The following C4orf51 variants were observed in gnomAD, a reference collection of about 807,000 sequenced individuals.
The protein encoded by C4orf51 is chromosome 4 open reading frame 51.
Under a neutral mutation model 25.2 loss-of-function variants are expected in C4orf51, and 25 were observed. That is an observed-to-expected ratio of 0.99 (90% CI 0.72 to 1.39). C4orf51 has a LOEUF of 1.39. Among genes scored for constraint, C4orf51 ranks in the 40% most tolerant of loss-of-function variants. C4orf51 has a pLI of 0.00. For missense variants in C4orf51, 252 were observed against 239.6 expected, an observed-to-expected ratio of 1.05 and a Z score of -0.34; for synonymous variants, 100 against 84.5, an observed-to-expected ratio of 1.18 and a Z score of -1.01.
intron 1 of C4orf51, among the ~76,000 whole-genome samples, chr4:145,743,300 G>A (rs1290588442): frequency 6.6e-6 from 1 of 152,152 alleles, no homozygotes; most frequent in Non-Finnish European, 1.5e-5. Flanking sequence ...TGGTTCTAAA[G>A]GTGGGAAAGT....
the C4orf51 span, among the ~76,000 whole-genome samples, chr4:145,786,150 A>G: frequency 3.3e-5 from 5 of 152,218 alleles, no homozygotes; most frequent in Admixed American, 6.5e-5. Context: ...CAAAACCTCA[A>G]AAAACAACAG....
chr4:145,681,089 A>C (rs17020536), intron 1 of C4orf51, among the ~76,000 whole-genome samples: 19,572 of 152,170 alleles, frequency 0.13, 1,326 homozygotes, highest in Admixed American at 0.19. Context: ...AGCACACTGC[A>C]TGGAGAAAGA....
chr4:145,693,959 C>T (rs1296521314), intron 1 of C4orf51, among the ~76,000 whole-genome samples: 4 of 135,868 alleles, frequency 2.9e-5, no homozygotes, highest in Non-Finnish European at 4.8e-5. Flanking sequence ...GGGTGGCTGC[C>T]GGGCGGAGAG....
At position 145,767,377 on chromosome 4, in the gene C4orf51, G is replaced by C. The variant is rs148335472; in HGVS notation, n.167-3611G>C. Reference sequence around the variant, plus strand: ...ATCTCCCCAAATGAAAAGAGCATCAGTGAACTGTGGGATGCCTTTGGGAAG... The same window carrying C: ...ATCTCCCCAAATGAAAAGAGCATCACTGAACTGTGGGATGCCTTTGGGAAG... On this transcript the variant is annotated intron_variant and non_coding_transcript_variant, in intron 1 of 1. Coordinates refer to the C4orf51 transcript ENST00000510096. Among the ~76,000 whole-genome samples the C allele has an allele frequency of 1.7e-3, 255 of 152,316 alleles. 1 individual carries two copies. Among genetic ancestry groups the C allele is most frequent in the African/African-American group, 5.8e-3 (241 of 41,580 alleles).
intron 1 of C4orf51, among the ~76,000 whole-genome samples, chr4:145,690,202 C>T (rs563241708): frequency 1.7e-5 from 2 of 117,696 alleles, no homozygotes; most frequent in Non-Finnish European, 3.5e-5. Flanking sequence ...AGCAAACCTC[C>T]GTAAAAAAAA....
At chr4:145,753,958 A>G (rs554471171) in intron 1 of C4orf51, among the ~76,000 whole-genome samples, 3 of 152,282 alleles carry the variant, frequency 2.0e-5, no homozygotes, top group East Asian at 1.9e-4. Flanking sequence ...TAATGTGCCA[A>G]CTCCTCCATT....
chr4:145,764,103 T>C (rs918141608), intron 1 of C4orf51, among the ~76,000 whole-genome samples: 1 of 152,184 alleles, frequency 6.6e-6, no homozygotes, highest in African/African-American at 2.4e-5. Context: ...AAAGGTTTTT[T>C]CCCCCTTGTG....
At chr4:145,726,669 A>T (rs1005620803) in intron 2 of C4orf51, among the ~76,000 whole-genome samples, 3 of 152,172 alleles carry the variant, frequency 2.0e-5, no homozygotes, top group African/African-American at 7.2e-5. Flanking sequence ...GATCTGCCAA[A>T]GTGCTGGGAT....
rs377437853 is a variant in C4orf51, at chr4:145,729,171, A to G, written c.369A>G (p.Ala123=). 620 of 1,595,580 alleles carry G rather than the reference A, an allele frequency of 3.9e-4. No individual in the cohort carries two copies. The highest frequency in any genetic ancestry group is 1.7e-3 in the Middle Eastern group (10 of 6,006). Residue 123 remains alanine, a splice_region_variant and synonymous_variant, in exon 4 of 6, where the codon GCA becomes GCG. Transcript: ENST00000438731. ...ATTTCTATCTCTCCTTTTTATAGGC[A>G]CATCAAATTTGGGATTTTGGTGATT... The part of the protein sequence containing the change: ...KKSFDVKHGV[A]HQIWDFGDCF...
Position 145,726,934 on chromosome 4 carries a change from C to A in C4orf51, c.331C>A (p.Pro111Thr). The A allele has an allele frequency of 6.2e-7, 1 of 1,613,452 alleles. No individual in the cohort carries two copies. Among genetic ancestry groups the A allele is most frequent in the Non-Finnish European group, 8.5e-7 (1 of 1,179,438 alleles). ...AGGACTATTCCCTGATATAACCAGG[C>A]CCTTTAAAAAGTCATTTGATGTCAA... The part of the protein sequence containing the change: ...IKGLFPDITR[P>T]FKKSFDVKHG... The change falls in exon 3 of 6, where the codon CCC becomes ACC. Residue 111 changes from proline (P) to threonine (T), a missense_variant. Transcript: ENST00000438731.
intron 1 of C4orf51, chr4:145,759,522 G>T (rs1262806786): frequency 6.6e-6 from 1 of 152,172 alleles, no homozygotes; most frequent in East Asian, 1.9e-4. Context: ...TTAGCCAGAA[G>T]ATCGGCAAAA....
In C4orf51 at chr4:145,696,561, T is replaced by A; in HGVS notation, c.236T>A (p.Met79Lys). ...TTTCTTCTACTTGCTTTCCTTAGGA[T>A]GTCATTGACAAACAGTTCTGCCTGT... Reference protein sequence around the residue: ...AGQHEPECKQMSLTNSSACHL... With the variant: ...AGQHEPECKQKSLTNSSACHL... Residue 79 changes from methionine to lysine, a missense_variant and splice_region_variant, in exon 2 of 6, where the codon ATG becomes AAG. Physicochemically the swap from Met to Lys is moderately conservative, Grantham distance 95 (BLOSUM62 -1). Coordinates refer to ENST00000438731, the MANE Select transcript of C4orf51 (RefSeq NM_001080531.3). 5.6e-6 allele frequency: 9 copies of A among 1,612,754 alleles called. No homozygotes were observed. The highest frequency in any genetic ancestry group is 7.6e-6 in the Non-Finnish European group (9 of 1,178,796).
the C4orf51 span, chr4:145,779,317 G>A: frequency 1.9e-6 from 3 of 1,580,304 alleles, no homozygotes; most frequent in South Asian, 2.3e-5. Context: ...TTTCCGGAGA[G>A]TAAAGAAGTT....
intron 1 of C4orf51, among the ~76,000 whole-genome samples, chr4:145,690,042 T>C (rs886146269): frequency 6.6e-6 from 1 of 151,420 alleles, no homozygotes; most frequent in Non-Finnish European, 1.5e-5. Context: ...CCATTTCTAC[T>C]AAAAACACAA....
Position 145,680,353 on chromosome 4 carries a change from C to T in C4orf51, c.150C>T (p.Gly50=). The T allele has an allele frequency of 6.2e-7, 1 of 1,613,892 alleles. No individual in the cohort carries two copies. Among genetic ancestry groups the T allele is most frequent in the East Asian group, 2.2e-5 (1 of 44,882 alleles). Reference sequence around the variant, plus strand: ...ATTCTTCCGTGACAACATACACAGGCAGTTACCGGAAAAAACAACTGGACA... The same window carrying T: ...ATTCTTCCGTGACAACATACACAGGTAGTTACCGGAAAAAACAACTGGACA... The part of the protein sequence containing the change: ...WSDSSVTTYT[G]SYRKKQLDKS... The change falls in exon 1 of 6, where the codon GGC becomes GGT. Residue 50 remains glycine (G), a synonymous_variant. Coordinates refer to ENST00000438731, the MANE Select transcript of C4orf51 (RefSeq NM_001080531.3).
At chr4:145,711,675 T>C (rs1460812955) in intron 2 of C4orf51, among the ~76,000 whole-genome samples, 1 of 152,204 alleles carries the variant, frequency 6.6e-6, no homozygotes, top group East Asian at 1.9e-4. Context: ...ACAGATTCTT[T>C]CTTTTGCTTG....
chr4:145,701,881 C>T (rs953039762), intron 2 of C4orf51, among the ~76,000 whole-genome samples: 2 of 152,098 alleles, frequency 1.3e-5, no homozygotes, highest in African/African-American at 4.8e-5. Context: ...TTATCTGCTT[C>T]CCTGACTATT....
rs554431049 is a variant in C4orf51 at position 145,715,657 on chromosome 4, T to C, written c.308-11254T>C. On this transcript the variant is annotated intron_variant, in intron 2 of 5. Transcript: ENST00000438731. ...ATCCATGGGTGGTTGTCAAAATCAA[T>C]CCGTCCATGGGGAAATGATGGTAGA... 3.9e-5 allele frequency among the ~76,000 whole-genome samples: 6 copies of C among 152,276 alleles called. No individual in the cohort carries two copies. The East Asian group carries it at 7.7e-4, about 20-fold the overall frequency.
chr4:145,701,525 G>A (rs181450882), intron 2 of C4orf51, among the ~76,000 whole-genome samples: 122 of 151,860 alleles, frequency 8.0e-4, no homozygotes, highest in African/African-American at 2.8e-3. Context: ...CTGGCCCAAG[G>A]CTCTCTGACT....
Sources: gnomAD v4.1 joint callset for allele counts (sites outside exome capture counted in the v4.1 genomes callset) on GRCh38, gnomAD v4.1.1 for gene constraint, MANE v1.5 for transcripts, NCBI Gene and HGNC (gene_info 2026-07-23, HGNC 2026-07-21) for gene names.